SORCS2: variants seen among roughly 807,000 people sequenced by gnomAD.
SORCS2 encodes sortilin related VPS10 domain containing receptor 2, also known as VPS10 domain-containing receptor SorCS2.
SORCS2 carries 100 observed loss-of-function variants against 141.6 expected under a neutral mutation model. The observed-to-expected ratio is 0.71, with a 90% CI of 0.60 to 0.83. The LOEUF (loss-of-function observed/expected upper bound fraction) is 0.83, where lower values mean the gene tolerates loss of function less well. SORCS2 is among the 40% of genes least tolerant of loss of function. SORCS2 has a pLI of 0.00. For missense variants in SORCS2, 1,646 were observed against 1,560.2 expected (o/e 1.05, Z -0.93); for synonymous variants, 789 against 676.9 (o/e 1.17, Z -2.57).
intron 4 of SORCS2, among the ~76,000 whole-genome samples, chr4:7,639,852 AGG>A (rs1720539900): frequency 6.9e-6 from 1 of 144,346 alleles, no homozygotes; most frequent in South Asian, 2.2e-4. Flanking sequence ...TGTGGGTGTG[AGG>A]GTGTGTGTGA....
intron 3 of SORCS2, among the ~76,000 whole-genome samples, chr4:7,635,840 G>T (rs1015468527): frequency 2.6e-5 from 4 of 152,180 alleles, no homozygotes; most frequent in Non-Finnish European, 5.9e-5. Flanking sequence ...TCTCCGTCAG[G>T]CCCTTGGTGT....
At chr4:7,324,930 A>T (rs1341962403) in intron 1 of SORCS2, among the ~76,000 whole-genome samples, 1 of 152,216 alleles carries the variant, frequency 6.6e-6, no homozygotes, top group African/African-American at 2.4e-5. Flanking sequence ...AGCTGGCGGC[A>T]GCTCCTGGAT....
chr4:7,704,068 G>A, intron 13 of SORCS2, 109 bp from the exon 14 acceptor site: 1 of 854,322 alleles, frequency 1.2e-6, no homozygotes, highest in Non-Finnish European at 1.9e-6. Flanking sequence ...GCACTGGCAA[G>A]GTTGGCTAGT....
intron 1 of SORCS2, among the ~76,000 whole-genome samples, chr4:7,221,306 G>A (rs143099549): frequency 8.5e-4 from 129 of 152,314 alleles, no homozygotes; most frequent in South Asian, 4.1e-3. Flanking sequence ...CAAACATCCC[G>A]GTCCCACCAG....
At chr4:7,527,065 C>CGACA (rs1195557336) in intron 2 of SORCS2, among the ~76,000 whole-genome samples, 2 of 152,160 alleles carry the variant, frequency 1.3e-5, no homozygotes, top group African/African-American at 4.8e-5. Flanking sequence ...TGGTGCTGCC[C>CGACA]GACAATGCGG....
At chr4:7,508,629 C>T (rs929272045) in intron 2 of SORCS2, among the ~76,000 whole-genome samples, 1 of 152,112 alleles carries the variant, frequency 6.6e-6, no homozygotes, top group African/African-American at 2.4e-5. Flanking sequence ...CGAGCCACCG[C>T]GCCTGGACTC....
chr4:7,348,662 C>A (rs540917578), intron 1 of SORCS2, among the ~76,000 whole-genome samples: 1 of 152,218 alleles, frequency 6.6e-6, no homozygotes, highest in Non-Finnish European at 1.5e-5. Flanking sequence ...AGAGATTCTC[C>A]TGCCTCAGCC....
chr4:7,284,671 A>T (rs1314535413), intron 1 of SORCS2, among the ~76,000 whole-genome samples: 1 of 152,234 alleles, frequency 6.6e-6, no homozygotes, highest in Non-Finnish European at 1.5e-5. Context: ...CTTGGAGCTC[A>T]TACAGGCTGT....
chr4:7,329,014 T>C (rs1049471957), intron 1 of SORCS2, among the ~76,000 whole-genome samples: 2 of 152,098 alleles, frequency 1.3e-5, no homozygotes, highest in Non-Finnish European at 2.9e-5. Flanking sequence ...GCCAGGCCCA[T>C]GCGGAGCCCT....
intron 1 of SORCS2, among the ~76,000 whole-genome samples, chr4:7,300,284 G>A (rs1415268436): frequency 2.0e-5 from 3 of 152,162 alleles, no homozygotes; most frequent in African/African-American, 7.2e-5. Context: ...CGGGGATGGG[G>A]TGGGAAGTAC....
intron 1 of SORCS2, among the ~76,000 whole-genome samples, chr4:7,337,993 T>C (rs16840080): frequency 0.51 from 76,806 of 152,050 alleles, 19,683 homozygotes; most frequent in East Asian, 0.57. Context: ...AACCCTACTG[T>C]TGCATCCCCA....
intron 3 of SORCS2, among the ~76,000 whole-genome samples, chr4:7,559,689 C>CT (rs1240406098): frequency 6.6e-6 from 1 of 152,218 alleles, no homozygotes; most frequent in East Asian, 1.9e-4. Flanking sequence ...ACTGTGCCAT[C>CT]TGGGGCAAGT....
chr4:7,712,874 G>A, intron 15 of SORCS2, 21 bp downstream of exon 15: 1 of 1,612,840 alleles, frequency 6.2e-7, no homozygotes, highest in Non-Finnish European at 8.5e-7. Context: ...ATGAGGCTGG[G>A]ATCGGGCAGG....
intron 2 of SORCS2, among the ~76,000 whole-genome samples, chr4:7,404,390 A>G (rs1038960579): frequency 2.0e-5 from 3 of 152,092 alleles, no homozygotes. Flanking sequence ...GCTGGATCTA[A>G]TGGTCATTCT....
chr4:7,665,717 C>G (rs4689816), intron 7 of SORCS2, among the ~76,000 whole-genome samples: 82,452 of 152,150 alleles, frequency 0.54, 25,339 homozygotes, highest in South Asian at 0.69. Context: ...CTGAACCCCC[C>G]ACCTGCTTTC....
intron 2 of SORCS2, among the ~76,000 whole-genome samples, chr4:7,489,879 GC>G (rs1731213717): frequency 6.6e-6 from 1 of 152,162 alleles, no homozygotes; most frequent in South Asian, 2.1e-4. Flanking sequence ...CACTGACAGG[GC>G]TCTGGAGCCA....
chr4:7,232,031 T>C (rs1711926066), intron 1 of SORCS2, among the ~76,000 whole-genome samples: 1 of 152,200 alleles, frequency 6.6e-6, no homozygotes. Context: ...CCGTGATTGC[T>C]GAGGATGCTG....
chr4:7,340,152 T>C (rs187792351), intron 1 of SORCS2, among the ~76,000 whole-genome samples: 2 of 152,152 alleles, frequency 1.3e-5, no homozygotes, highest in African/African-American at 4.8e-5. Context: ...AGGTTGACAA[T>C]GAGGCTGGGA....
At chr4:7,340,636 C>A (rs545229980) in intron 1 of SORCS2, among the ~76,000 whole-genome samples, 15 of 152,358 alleles carry the variant, frequency 9.8e-5, no homozygotes, top group East Asian at 5.8e-4. Flanking sequence ...CCTCTGCACT[C>A]TTGCACGTGA....
Sources: gnomAD v4.1 joint callset for allele counts (sites outside exome capture counted in the v4.1 genomes callset) on GRCh38, gnomAD v4.1.1 for gene constraint, MANE v1.5 for transcripts, NCBI Gene and HGNC (gene_info 2026-07-23, HGNC 2026-07-21) for gene names.